The following TMEM144 variants were observed in gnomAD, a reference collection of about 807,000 sequenced individuals.
The protein encoded by TMEM144 is transmembrane protein 144.
In TMEM144, 39 loss-of-function variants were observed where a neutral mutation model predicts 43.6. The observed-to-expected ratio is 0.90, with a 90% CI of 0.69 to 1.17. The LOEUF is 1.17. TMEM144 is among the 50% of genes most tolerant of loss of function. The pLI, the probability that TMEM144 is intolerant of heterozygous loss-of-function variation, is 0.00. For missense variants in TMEM144, 417 were observed against 411.9 expected (o/e 1.01, Z -0.11); for synonymous variants, 154 against 133.6 (o/e 1.15, Z -1.06).
intron 6 of TMEM144, among the ~76,000 whole-genome samples, chr4:158,227,860 G>C (rs1306675941): frequency 1.4e-5 from 1 of 72,890 alleles, no homozygotes; most frequent in Admixed American, 1.2e-4. Context: ...AAGTTTTCCT[G>C]GTGTCATAGT....
chr4:158,219,351 C>T lies in TMEM144; in HGVS notation c.374C>T (p.Pro125Leu), dbSNP rs200615802. 2.9e-4 allele frequency: 472 copies of T among 1,613,664 alleles called. No individual in the cohort carries two copies. The highest frequency in any genetic ancestry group is 3.8e-4 in the Non-Finnish European group (452 of 1,179,808). Residue 125 changes from proline (P) to leucine (L), a missense_variant, in exon 6 of 13, where the codon CCG becomes CTG. Transcript: ENST00000296529. ...FGLDAEEVSN[P>L]LLNYIGAGLS... Reference sequence around the variant, plus strand: ...TTGGATGCAGAAGAAGTATCAAATCCGCTGCTAAATTACATTGGAGCTGGG... The same window carrying T: ...TTGGATGCAGAAGAAGTATCAAATCTGCTGCTAAATTACATTGGAGCTGGG...
chr4:158,241,993 AC>A (rs1735660845), intron 11 of TMEM144, among the ~76,000 whole-genome samples: 1 of 152,204 alleles, frequency 6.6e-6, no homozygotes, highest in South Asian at 2.1e-4. Context: ...CCTTCACAAA[AC>A]TTTTATAGTA....
In TMEM144 at chr4:158,212,555, C is replaced by T. The variant is rs1050089131; in HGVS notation, c.-60-53C>T. 10 of 724,346 alleles carry T rather than the reference C, an allele frequency of 1.4e-5. No individual in the cohort carries two copies. The African/African-American group carries it at 1.8e-4, about 13-fold the overall frequency. 44.9% of individuals were successfully genotyped at this position (724,346 alleles called of 1,614,324 possible). ...TTCAATAAATATAATATGTTAATCACAATTTGGTCACAGATTCACGTCTCA... is the reference window on the plus strand; with the variant it reads ...TTCAATAAATATAATATGTTAATCATAATTTGGTCACAGATTCACGTCTCA... On this transcript the variant is annotated intron_variant, in intron 2 of 12. Transcript: ENST00000296529.
chr4:158,240,330 CATCT>C lies in TMEM144; in HGVS notation c.715_718del (p.Ile239PhefsTer13). 2 of 1,613,702 alleles carry C rather than the reference CATCT, an allele frequency of 1.2e-6. No individual in the cohort carries two copies. Among genetic ancestry groups the C allele is most frequent in the Middle Eastern group, 1.7e-4 (1 of 6,056 alleles). On this transcript the variant is annotated frameshift_variant, in exon 10 of 13. Transcript: ENST00000296529. LOFTEE classifies it high-confidence loss of function. ...ACTATGTGTTTGCGCACTTCAGTGG[CATCT>C]TTCTTACAAGTACTGTCTACTTTCT...
At position 158,232,989 on chromosome 4, in the gene TMEM144, A is replaced by G. The variant is rs1225797245; in HGVS notation, c.495+7A>G. 6.3e-7 allele frequency: 1 copy of G among 1,576,712 alleles called. No homozygotes were observed. The highest frequency in any genetic ancestry group is 1.4e-5 in the African/African-American group (1 of 73,494). On this transcript the variant is annotated splice_region_variant and intron_variant, in intron 7 of 12. Transcript: ENST00000296529. ...TCCATTAATAACAGAGCATGTGAGTATAGTATGAGAGACAACTTGATTTGA... is the reference window on the plus strand; with the variant it reads ...TCCATTAATAACAGAGCATGTGAGTGTAGTATGAGAGACAACTTGATTTGA...
At chr4:158,246,818 A>G (rs2111151423) in intron 12 of TMEM144, among the ~76,000 whole-genome samples, 1 of 152,168 alleles carries the variant, frequency 6.6e-6, no homozygotes, top group Middle Eastern at 4.0e-3. Flanking sequence ...AATTATAGGT[A>G]TGAAGAAGTA....
chr4:158,238,832 C>T (rs181342167), intron 9 of TMEM144, among the ~76,000 whole-genome samples: 11 of 152,186 alleles, frequency 7.2e-5, no homozygotes, highest in Admixed American at 7.2e-4. Context: ...CCTCACCAAT[C>T]TCCACACAAA....
At chr4:158,245,970 C>T (rs1052295918) in intron 12 of TMEM144, among the ~76,000 whole-genome samples, 1 of 151,932 alleles carries the variant, frequency 6.6e-6, no homozygotes, top group Admixed American at 6.6e-5. Context: ...TAAGAAAACT[C>T]ACAAAATCAG....
intron 2 of TMEM144, 94 bp from the exon 3 acceptor site, chr4:158,212,514 G>A (rs949736251): frequency 1.8e-6 from 1 of 550,658 alleles, no homozygotes; most frequent in East Asian, 2.9e-5. Context: ...AGGAGTCTTA[G>A]CGTGCTTTTG....
At chr4:158,238,842 A>G (rs1036432863) in intron 9 of TMEM144, among the ~76,000 whole-genome samples, 1 of 152,170 alleles carries the variant, frequency 6.6e-6, no homozygotes, top group Admixed American at 6.5e-5. Flanking sequence ...CTCCACACAA[A>G]GAGAACAATG....
At position 158,249,972 on chromosome 4, in the gene TMEM144, G is replaced by C. The variant is rs2111156736; in HGVS notation, c.955-3472G>C. Among the ~76,000 whole-genome samples, 4 of 149,696 alleles carry C rather than the reference G, an allele frequency of 2.7e-5. No homozygotes were observed. In the South Asian group the frequency reaches 8.5e-4, roughly 32 times the overall value. On this transcript the variant is annotated intron_variant, in intron 12 of 12. Transcript: ENST00000296529. The stretch of plus-strand genomic sequence containing the variant: ...TCTGCACTTGGCAAGGTTTTCGGGT[G>C]CTTCTATTTGTAGAATTTGGGATTA...
At chr4:158,219,958 A>G (rs1734430845) in intron 6 of TMEM144, among the ~76,000 whole-genome samples, 1 of 152,150 alleles carries the variant, frequency 6.6e-6, no homozygotes, top group African/African-American at 2.4e-5. Context: ...TAAGGGTGAA[A>G]ATGACTTTGA....
intron 7 of TMEM144, 109 bp downstream of exon 7, chr4:158,233,091 G>A (rs1735164432): frequency 1.3e-6 from 1 of 765,792 alleles, no homozygotes; most frequent in East Asian, 2.8e-5. Context: ...CATCACTCCT[G>A]GCTATGTAAA....
At chr4:158,243,543 C>G (rs1735727010) in intron 11 of TMEM144, among the ~76,000 whole-genome samples, 1 of 152,156 alleles carries the variant, frequency 6.6e-6, no homozygotes, top group Non-Finnish European at 1.5e-5. Context: ...CCACACCTAG[C>G]CCGCATTCCA....
intron 11 of TMEM144, among the ~76,000 whole-genome samples, chr4:158,243,643 G>A (rs1735731604): frequency 6.6e-6 from 1 of 151,830 alleles, no homozygotes. Context: ...TTTTTCACCT[G>A]TTTCTTCTCA....
Position 158,212,716 on chromosome 4 carries a change from G to C in TMEM144, c.49G>C (p.Val17Leu). The part of the protein sequence containing the change: ...DLTFGYISCF[V>L]AILLFGSNFV... ...AACCTTTGGTTACATCTCCTGTTTT[G>C]TAGCTATCCTTTTGTTTGGCTCAAA... Residue 17 changes from valine to leucine, a missense_variant, in exon 3 of 13, where the codon GTA (valine) becomes CTA (leucine). Coordinates refer to ENST00000296529, the MANE Select transcript of TMEM144 (RefSeq NM_018342.5). 6.2e-7 allele frequency: 1 copy of C among 1,613,796 alleles called. No individual in the cohort carries two copies. Among genetic ancestry groups the C allele is most frequent in the Non-Finnish European group, 8.5e-7 (1 of 1,179,844 alleles).
At chr4:158,232,680 T>C (rs1157520137) in intron 6 of TMEM144, among the ~76,000 whole-genome samples, 1 of 152,262 alleles carries the variant, frequency 6.6e-6, no homozygotes, top group African/African-American at 2.4e-5. Flanking sequence ...GGAAAGCTTA[T>C]GAGTTTAGCC....
intron 12 of TMEM144, among the ~76,000 whole-genome samples, chr4:158,249,081 A>T (rs1394364861): frequency 6.6e-6 from 1 of 151,884 alleles, no homozygotes; most frequent in African/African-American, 2.4e-5. Context: ...TAATTTTTGT[A>T]TTTTTAGTAG....
At chr4:158,230,222 G>A (rs1735006409) in intron 6 of TMEM144, among the ~76,000 whole-genome samples, 1 of 152,210 alleles carries the variant, frequency 6.6e-6, no homozygotes, top group African/African-American at 2.4e-5. Flanking sequence ...CCTTGGCTGG[G>A]GTGTGGGGGT....
Sources: gnomAD v4.1 joint callset for allele counts (sites outside exome capture counted in the v4.1 genomes callset) on GRCh38, gnomAD v4.1.1 for gene constraint, MANE v1.5 for transcripts, NCBI Gene and HGNC (gene_info 2026-07-23, HGNC 2026-07-21) for gene names.